Variants in STAU1 observed in about 807,000 individuals in gnomAD.
The protein encoded by STAU1 is staufen double-stranded RNA binding protein 1, also known as double-stranded RNA-binding protein Staufen homolog 1.
In STAU1, 13 loss-of-function variants were observed where a neutral mutation model predicts 62.9. The observed-to-expected ratio is 0.21, with a 90% CI of 0.13 to 0.33. The LOEUF (loss-of-function observed/expected upper bound fraction) is 0.33, where lower values mean the gene tolerates loss of function less well. Among genes scored for constraint, STAU1 ranks in the 10% least tolerant of loss-of-function variants. The pLI, the probability that STAU1 is intolerant of heterozygous loss-of-function variation, is 1.00. For synonymous variants in STAU1, 269 were observed against 265.1 expected, an observed-to-expected ratio of 1.01 and a Z score of -0.14; for missense variants, 571 against 712.1, an observed-to-expected ratio of 0.80 and a Z score of 2.25.
the STAU1 span, among the ~76,000 whole-genome samples, chr20:49,210,174 G>A: frequency 3.3e-3 from 504 of 152,280 alleles, 3 homozygotes; most frequent in African/African-American, 0.012. Flanking sequence ...ACTGTGTCTT[G>A]CTTTAACCTT....
chr20:49,190,064 A>G (rs1600932776), upstream of STAU1, among the ~76,000 whole-genome samples: 1 of 152,216 alleles, frequency 6.6e-6, no homozygotes, highest in Admixed American at 6.5e-5. Flanking sequence ...GATATTGTCC[A>G]GCCCTCTGCT....
the STAU1 span, among the ~76,000 whole-genome samples, chr20:49,208,270 G>A: frequency 6.6e-6 from 1 of 152,038 alleles, no homozygotes; most frequent in Non-Finnish European, 1.5e-5. Flanking sequence ...ATGTTCTCCA[G>A]GATGGTCTCG....
intron 2 of STAU1, among the ~76,000 whole-genome samples, chr20:49,171,668 C>T (rs1175396551): frequency 6.6e-6 from 1 of 152,132 alleles, no homozygotes; most frequent in African/African-American, 2.4e-5. Flanking sequence ...AGTAAACTCA[C>T]TCTCCACCAT....
intron 3 of STAU1, among the ~76,000 whole-genome samples, chr20:49,156,727 A>G (rs1175835441): frequency 6.6e-6 from 1 of 152,194 alleles, no homozygotes; most frequent in East Asian, 1.9e-4. Context: ...TGACTGTAAT[A>G]TGTCACTTGA....
At chr20:49,188,563 G>A (rs1252928033), upstream of STAU1, among the ~76,000 whole-genome samples, 1 of 152,232 alleles carries the variant, frequency 6.6e-6, no homozygotes, top group Non-Finnish European at 1.5e-5. Flanking sequence ...CCTGAGTCCC[G>A]GGGCCTGCCG....
chr20:49,123,322 A>G (rs1308271836), intron 7 of STAU1, 87 bp from the exon 8 acceptor site: 62 of 1,592,680 alleles, frequency 3.9e-5, no homozygotes, highest in Non-Finnish European at 3.7e-5. Context: ...AGAGGAGATA[A>G]GAGATTTTGG....
chr20:49,117,728 A>AGAT lies in STAU1; in HGVS notation c.1509+46_1509+48dup. The AGAT allele has an allele frequency of 6.6e-7, 1 of 1,521,506 alleles. No individual in the cohort carries two copies. Among genetic ancestry groups the AGAT allele is most frequent in the Non-Finnish European group, 8.8e-7 (1 of 1,137,244 alleles). 94.3% of individuals were successfully genotyped at this position (1,521,506 alleles called of 1,614,324 possible). A position where few individuals can be genotyped will look rare whatever the true frequency, so the allele number is the denominator to read the frequency against. ...AGTTCATTTTCTGAGAGAAGCCAAA[A>AGAT]GATGACTGTCCTGAGGCACAGCCAT... On this transcript the variant is annotated intron_variant, in intron 11 of 13. Coordinates refer to ENST00000371856, the MANE Select transcript of STAU1 (RefSeq NM_017453.4). The surrounding 1 kb of genome is among the most constrained non-coding windows in gnomAD (Gnocchi z 4.6).
At chr20:49,143,733 A>G (rs1418777225) in intron 5 of STAU1, among the ~76,000 whole-genome samples, 2 of 152,248 alleles carry the variant, frequency 1.3e-5, no homozygotes, top group Non-Finnish European at 2.9e-5. Flanking sequence ...AAGTCATTTT[A>G]CAAATAATTT....
At chr20:49,204,616 A>ATATGTG in the STAU1 span, among the ~76,000 whole-genome samples, 1 of 42,178 alleles carries the variant, frequency 2.4e-5, no homozygotes, top group African/African-American at 6.1e-5. Context: ...ATATATATAT[A>ATATGTG]TATATATGTG....
chr20:49,201,029 A>C, the STAU1 span, among the ~76,000 whole-genome samples: 1 of 129,178 alleles, frequency 7.7e-6, no homozygotes, highest in East Asian at 2.6e-4. Context: ...CTGGGCACAG[A>C]GTAAGACCCA....
At chr20:49,118,875 G>T (rs1027116597) in intron 9 of STAU1, among the ~76,000 whole-genome samples, 2 of 152,208 alleles carry the variant, frequency 1.3e-5, no homozygotes, top group Admixed American at 1.3e-4. Flanking sequence ...TATTACCTAA[G>T]AATTTTGTCT....
chr20:49,211,403 G>C, the STAU1 span, among the ~76,000 whole-genome samples: 4 of 149,114 alleles, frequency 2.7e-5, no homozygotes, highest in African/African-American at 4.9e-5. Flanking sequence ...CAGGGTCTCT[G>C]TATGTTACCC....
At chr20:49,133,154 G>T (rs546272682) in intron 6 of STAU1, among the ~76,000 whole-genome samples, 117 of 152,352 alleles carry the variant, frequency 7.7e-4, no homozygotes, top group Non-Finnish European at 1.6e-3. Context: ...TGAACACAGA[G>T]TTGAGAGCCA....
intron 1 of STAU1, among the ~76,000 whole-genome samples, chr20:49,182,974 A>AAATTTTCATAATAATAAT (rs2093745149): frequency 6.6e-6 from 1 of 152,254 alleles, no homozygotes; most frequent in Non-Finnish European, 1.5e-5. Context: ...TTTTCATAAT[A>AAATTTTCATAATAATAAT]AAATGGTGGG....
chr20:49,199,183 G>A, the STAU1 span, among the ~76,000 whole-genome samples: 1,057 of 151,958 alleles, frequency 7.0e-3, 9 homozygotes, highest in Middle Eastern at 0.075. Context: ...ATAGGAGAAT[G>A]TAGAGCAACT....
chr20:49,124,618 G>A (rs374794383), intron 6 of STAU1, 31 bp from the exon 7 acceptor site: 277 of 1,609,590 alleles, frequency 1.7e-4, no homozygotes, highest in Non-Finnish European at 2.2e-4. Context: ...GAGTGAAAGC[G>A]GACAGACACT....
intron 9 of STAU1, 148 bp downstream of exon 9, chr20:49,119,834 G>A: frequency 1.0e-6 from 1 of 964,140 alleles, no homozygotes; most frequent in Non-Finnish European, 1.5e-6. Flanking sequence ...AGCACATTAT[G>A]GTCCAAATGG....
rs2092236465 is a variant in STAU1, at chr20:49,113,685, G to A, written c.*1193C>T. On this transcript the variant is annotated 3_prime_UTR_variant, in exon 14 of 14. Coordinates refer to ENST00000371856, the MANE Select transcript of STAU1 (RefSeq NM_017453.4). The stretch of plus-strand genomic sequence containing the variant: ...AGAGCCTCAGTGCACACACTTCTGT[G>A]TACAGTAACACAACATCAAAAGCAA... The A allele has an allele frequency of 6.6e-6, 1 of 152,574 alleles. No homozygotes were observed. Among genetic ancestry groups the A allele is most frequent in the Non-Finnish European group, 1.5e-5 (1 of 68,050 alleles). The allele number at this position is 152,574 out of a possible 1,614,324, so 9.5% of individuals were successfully genotyped here. A position where few individuals can be genotyped will look rare whatever the true frequency, so the allele number is the denominator to read the frequency against.
Position 49,114,521 on chromosome 20 carries a change from C to T in STAU1, c.*357G>A, listed in dbSNP as rs1027314748. The stretch of plus-strand genomic sequence containing the variant: ...GAGCCAGCTTGAGAAGGGGTCGTGC[C>T]GTTTCTTCTTTCACACAGGGGAAAA... On this transcript the variant is annotated 3_prime_UTR_variant, in exon 14 of 14. Coordinates refer to ENST00000371856, the MANE Select transcript of STAU1 (RefSeq NM_017453.4). 2.7e-5 allele frequency: 7 copies of T among 256,490 alleles called. No individual in the cohort carries two copies. Among genetic ancestry groups the T allele is most frequent in the Non-Finnish European group, 3.8e-5 (5 of 132,996 alleles). 15.9% of individuals were successfully genotyped at this position (256,490 alleles called of 1,614,324 possible).
Sources: gnomAD v4.1 joint callset for allele counts (sites outside exome capture counted in the v4.1 genomes callset) on GRCh38, gnomAD v4.1.1 for gene constraint, Gnocchi (gnomAD v3.1) non-coding constraint, MANE v1.5 for transcripts, NCBI Gene and HGNC (gene_info 2026-07-23, HGNC 2026-07-21) for gene names.